Variants in ST3GAL1 observed in about 807,000 individuals in gnomAD.
The protein encoded by ST3GAL1 is CMP-N-acetylneuraminate-beta-galactosamide-alpha-2,3-sialyltransferase 1.
ST3GAL1 carries 16 observed loss-of-function variants against 34.1 expected under a neutral mutation model. That is an observed-to-expected ratio of 0.47 (90% CI 0.32 to 0.71). The LOEUF (loss-of-function observed/expected upper bound fraction) is 0.71, where lower values mean the gene tolerates loss of function less well. Among genes scored for constraint, ST3GAL1 ranks in the 30% least tolerant of loss-of-function variants. The probability of loss-of-function intolerance (pLI) is 0.04; values close to 1 mark genes in which losing one functional copy is unlikely to be tolerated. For missense variants in ST3GAL1, 353 were observed against 447.4 expected (o/e 0.79, Z 1.90); for synonymous variants, 191 against 184.7 (o/e 1.03, Z -0.28).
intron 3 of ST3GAL1, among the ~76,000 whole-genome samples, chr8:133,478,909 G>A (rs1816279856): frequency 6.6e-6 from 1 of 152,216 alleles, no homozygotes; most frequent in African/African-American, 2.4e-5. Context: ...CTTGGGTCAT[G>A]AAGAAACCCA....
In ST3GAL1 at chr8:133,560,369, G is replaced by C. The variant is rs112364954; in HGVS notation, c.-582+11324C>G. 8.0e-3 allele frequency among the ~76,000 whole-genome samples: 1,220 copies of C among 152,246 alleles called. 20 individuals carry two copies. The highest frequency in any genetic ancestry group is 0.028 in the African/African-American group (1,168 of 41,550). ...TATCTATTGCTGTGTAATAAATTAT[G>C]ATGAATTTAGCAGCTTAGAAGAAAA... On this transcript the variant is annotated intron_variant, in intron 1 of 9. Transcript: ENST00000522652.
intron 2 of ST3GAL1, among the ~76,000 whole-genome samples, chr8:133,543,405 A>G (rs1166248715): frequency 6.6e-6 from 1 of 152,206 alleles, no homozygotes; most frequent in Non-Finnish European, 1.5e-5. Flanking sequence ...AGTCAAATTA[A>G]TGTTAAGTTT....
chr8:133,498,064 C>T (rs550400176), intron 3 of ST3GAL1, among the ~76,000 whole-genome samples: 6 of 152,342 alleles, frequency 3.9e-5, no homozygotes, highest in African/African-American at 1.4e-4. Flanking sequence ...TTGGAGAAGC[C>T]TTCCCTGGTC....
At chr8:133,551,561 A>AG (rs1324541458) in intron 1 of ST3GAL1, among the ~76,000 whole-genome samples, 29 of 141,126 alleles carry the variant, frequency 2.1e-4, no homozygotes, top group African/African-American at 7.6e-4. Flanking sequence ...AAAGAAAGAA[A>AG]GAAAGAAAGA....
chr8:133,483,671 A>C (rs771202298), intron 3 of ST3GAL1, among the ~76,000 whole-genome samples: 17 of 152,174 alleles, frequency 1.1e-4, no homozygotes, highest in Non-Finnish European at 2.9e-5. Flanking sequence ...CTAAATCTTC[A>C]TGCTTTCTAC....
rs1025850575 is a variant in ST3GAL1, at chr8:133,496,667, C to T, written c.-374+2468G>A. Among the ~76,000 whole-genome samples the T allele has an allele frequency of 4.6e-5, 7 of 152,342 alleles. No homozygotes were observed. In the East Asian group the frequency reaches 1.4e-3, roughly 29 times the overall value. Reference sequence around the variant, plus strand: ...ACAGCACCTGAGGAGACACCTGGCCCTGCTGTGGAGCCCAGGGTTCTGGTT... The same window carrying T: ...ACAGCACCTGAGGAGACACCTGGCCTTGCTGTGGAGCCCAGGGTTCTGGTT... On this transcript the variant is annotated intron_variant, in intron 3 of 9. Transcript: ENST00000522652.
At chr8:133,462,726 A>G (rs1248508654) in intron 8 of ST3GAL1, among the ~76,000 whole-genome samples, 1 of 152,146 alleles carries the variant, frequency 6.6e-6, no homozygotes, top group African/African-American at 2.4e-5. Flanking sequence ...GCCTCCTACC[A>G]TCTCTAGGAG....
rs1431819657 is a variant in ST3GAL1, at chr8:133,508,531, G to A, written c.-428-9342C>T. Among the ~76,000 whole-genome samples, 1 of 152,136 alleles carries A rather than the reference G, an allele frequency of 6.6e-6. No individual in the cohort carries two copies. Among genetic ancestry groups the A allele is most frequent in the Non-Finnish European group, 1.5e-5 (1 of 68,026 alleles). On this transcript the variant is annotated intron_variant, in intron 2 of 9. Coordinates refer to ENST00000522652, the MANE Select transcript of ST3GAL1 (RefSeq NM_173344.3). This position sits in a 1 kb window ranked among gnomAD's most constrained non-coding sequence, Gnocchi z 4.1. ...GGAGTCCCAGACTCAGGTTCTACAG[G>A]GAGGAAACTGAGATCCCTGTTTGAG...
chr8:133,499,280 T>A (rs1817072146), intron 2 of ST3GAL1, 91 bp from the exon 3 acceptor site: 1 of 152,256 alleles, frequency 6.6e-6, no homozygotes, highest in Non-Finnish European at 1.5e-5. Context: ...TTGGCTCAGA[T>A]ATACACAGTA....
intron 1 of ST3GAL1, among the ~76,000 whole-genome samples, chr8:133,554,737 T>C (rs1313403739): frequency 6.6e-6 from 1 of 150,698 alleles, no homozygotes; most frequent in East Asian, 1.9e-4. Flanking sequence ...TTTCTTTTTT[T>C]TTTTTTTTGA....
intron 2 of ST3GAL1, among the ~76,000 whole-genome samples, chr8:133,534,257 G>C (rs1293668051): frequency 6.6e-6 from 1 of 152,148 alleles, no homozygotes; most frequent in African/African-American, 2.4e-5. Flanking sequence ...GACTGAGAAA[G>C]TGTTTACATG....
At chr8:133,543,051 G>A (rs1256554340) in intron 2 of ST3GAL1, among the ~76,000 whole-genome samples, 2 of 152,158 alleles carry the variant, frequency 1.3e-5, no homozygotes, top group Non-Finnish European at 2.9e-5. Flanking sequence ...ACTTTGCAGT[G>A]GAGACACCTG....
chr8:133,534,340 T>G (rs181073666), intron 2 of ST3GAL1, among the ~76,000 whole-genome samples: 1 of 150,996 alleles, frequency 6.6e-6, no homozygotes, highest in South Asian at 2.1e-4. Context: ...ACATATATTA[T>G]ATAATATTAT....
chr8:133,473,248 T>C (rs1211001485), intron 5 of ST3GAL1, among the ~76,000 whole-genome samples: 1 of 152,236 alleles, frequency 6.6e-6, no homozygotes, highest in Non-Finnish European at 1.5e-5. Flanking sequence ...CGATACTGTC[T>C]TGGTGATACT....
At chr8:133,551,597 A>C (rs1020583985) in intron 1 of ST3GAL1, among the ~76,000 whole-genome samples, 1 of 150,224 alleles carries the variant, frequency 6.7e-6, no homozygotes, top group Non-Finnish European at 1.5e-5. Flanking sequence ...AAAGAAAGAA[A>C]GAAAGAAAGA....
At chr8:133,554,916 G>A (rs559995891) in intron 1 of ST3GAL1, among the ~76,000 whole-genome samples, 18 of 151,862 alleles carry the variant, frequency 1.2e-4, no homozygotes, top group African/African-American at 4.1e-4. Flanking sequence ...TTTAGTAGAG[G>A]TGGGGTTTCA....
intron 5 of ST3GAL1, among the ~76,000 whole-genome samples, chr8:133,471,155 G>A (rs1057330303): frequency 4.6e-5 from 7 of 152,150 alleles, no homozygotes; most frequent in African/African-American, 1.4e-4. Flanking sequence ...CCAATCCCCA[G>A]CTGCTGTTGG....
Position 133,541,110 on chromosome 8 carries a change from T to TAGAGAGAG in ST3GAL1, c.-429+4663_-429+4664insCTCTCTCT, listed in dbSNP as rs1488410302. On this transcript the variant is annotated intron_variant, in intron 2 of 9. Coordinates refer to ENST00000522652, the MANE Select transcript of ST3GAL1 (RefSeq NM_173344.3). ...ATATATATAAACATATATATATATA[T>TAGAGAGAG]ATATATATATAGAGAGAGAGAGAGA... Among the ~76,000 whole-genome samples the TAGAGAGAG allele has an allele frequency of 4.0e-3, 168 of 42,016 alleles. 11 individuals are homozygous for TAGAGAGAG. The highest frequency in any genetic ancestry group is 0.013 in the South Asian group (13 of 976). 27.6% of individuals were successfully genotyped at this position (42,016 alleles called of 152,430 possible). A position where few individuals can be genotyped will look rare whatever the true frequency, so the allele number is the denominator to read the frequency against.
At position 133,461,263 on chromosome 8, in the gene ST3GAL1, C is replaced by A. The variant is rs995995306; in HGVS notation, c.849+612G>T. Among the ~76,000 whole-genome samples, 2 of 152,154 alleles carry A rather than the reference C, an allele frequency of 1.3e-5. No homozygotes were observed. Among genetic ancestry groups the A allele is most frequent in the Admixed American group, 6.5e-5 (1 of 15,282 alleles). On this transcript the variant is annotated intron_variant, in intron 9 of 9. Transcript: ENST00000522652. This position sits in a 1 kb window ranked among gnomAD's most constrained non-coding sequence, Gnocchi z 4.7. ...ACGTGAGGGCCCTGCCTGAACCCAA[C>A]ATCAGGGAGGAAGTGGGGGCTGTGT...
Sources: allele counts gnomAD v4.1 joint callset (sites outside exome capture counted in the v4.1 genomes callset), GRCh38; gene constraint gnomAD v4.1.1; non-coding constraint Gnocchi (gnomAD v3.1); transcripts MANE v1.5; gene names NCBI Gene and HGNC (gene_info 2026-07-23, HGNC 2026-07-21).